Variants in TNS1 observed in about 807,000 individuals in gnomAD.
TNS1 encodes the protein tensin 1, also known as tensin-1.
Under a neutral mutation model 168.6 loss-of-function variants are expected in TNS1, and 62 were observed. The observed-to-expected ratio is 0.37, with a 90% CI of 0.30 to 0.45. The LOEUF (loss-of-function observed/expected upper bound fraction) is 0.45. Among genes scored for constraint, TNS1 ranks in the 20% least tolerant of loss-of-function variants. The pLI is 1.00. For synonymous variants in TNS1, 934 were observed against 933.2 expected, an observed-to-expected ratio of 1.00 and a Z score of -0.02; for missense variants, 2,240 against 2,339.4, an observed-to-expected ratio of 0.96 and a Z score of 0.88.
At chr2:217,994,135 G>C (rs935821157) in intron 1 of TNS1, among the ~76,000 whole-genome samples, 1 of 152,110 alleles carries the variant, frequency 6.6e-6, no homozygotes, top group Non-Finnish European at 1.5e-5. Context: ...AGGAGCTTTG[G>C]CTGGGGCTGG....
chr2:217,989,241 G>T (rs936938539), intron 2 of TNS1, among the ~76,000 whole-genome samples: 1 of 152,226 alleles, frequency 6.6e-6, no homozygotes, highest in Non-Finnish European at 1.5e-5. Context: ...CTTGGGGATT[G>T]TGAGGGACCC....
rs1937949079 is a variant in TNS1 at position 217,804,211 on chromosome 2, C to T, written c.*248G>A. On this transcript the variant is annotated 3_prime_UTR_variant, in exon 33 of 33. Coordinates refer to ENST00000682258, the MANE Select transcript of TNS1 (RefSeq NM_001387777.1). Reference sequence around the variant, plus strand: ...TAGTTTTGGAGGCTTTGGGTTTTTGCAGTTTCCATCTACCCAGGGGAATCC... The same window carrying T: ...TAGTTTTGGAGGCTTTGGGTTTTTGTAGTTTCCATCTACCCAGGGGAATCC... 2 of 461,028 alleles carry T rather than the reference C, an allele frequency of 4.3e-6. No individual in the cohort carries two copies. Among genetic ancestry groups the T allele is most frequent in the Non-Finnish European group, 7.7e-6 (2 of 260,786 alleles). 28.6% of individuals were successfully genotyped at this position (461,028 alleles called of 1,614,324 possible). A position where few individuals can be genotyped will look rare whatever the true frequency, so the allele number is the denominator to read the frequency against.
At position 217,965,309 on chromosome 2, in the gene TNS1, G is replaced by A. The variant is rs576084426; in HGVS notation, c.186+13456C>T. Among the ~76,000 whole-genome samples, 22 of 152,260 alleles carry A rather than the reference G, an allele frequency of 1.4e-4. No homozygotes were observed. The Middle Eastern group carries it at 0.017, about 118-fold the overall frequency. On this transcript the variant is annotated intron_variant, in intron 3 of 32. Transcript: ENST00000682258. ...CTAATCCTCCCACCAACCTTGCAAG[G>A]TCAGCATGATATCAGCAAGATATCA...
chr2:217,822,843 C>G (rs189310239), intron 22 of TNS1, among the ~76,000 whole-genome samples: 1 of 152,334 alleles, frequency 6.6e-6, no homozygotes, highest in East Asian at 1.9e-4. Context: ...CCCAAACGAA[C>G]TCCGCTTGAA....
At chr2:218,030,242 G>A (rs1000197643) in intron 1 of TNS1, among the ~76,000 whole-genome samples, 4 of 152,174 alleles carry the variant, frequency 2.6e-5, no homozygotes, top group Non-Finnish European at 5.9e-5. Flanking sequence ...TCTTCTCCAT[G>A]CTGGGACCTT....
chr2:217,961,718 C>T (rs1039350818), intron 3 of TNS1, among the ~76,000 whole-genome samples: 2 of 152,182 alleles, frequency 1.3e-5, no homozygotes, highest in Non-Finnish European at 2.9e-5. Context: ...TTCACCCAAC[C>T]CATGTTGACA....
chr2:217,909,853 C>A (rs540358276), intron 4 of TNS1, among the ~76,000 whole-genome samples: 2 of 152,324 alleles, frequency 1.3e-5, no homozygotes, highest in East Asian at 3.9e-4. Flanking sequence ...AACTATGCAA[C>A]CTTAAGCAGG....
intron 19 of TNS1, among the ~76,000 whole-genome samples, chr2:217,838,594 G>A (rs1452213458): frequency 6.6e-6 from 1 of 152,216 alleles, no homozygotes; most frequent in South Asian, 2.1e-4. Context: ...CTCCCACGGG[G>A]CCAGCCCCTC....
At chr2:217,980,504 CACAGAGAGAGAGAGAGAGAGAGAG>C (rs1360674809) in intron 2 of TNS1, among the ~76,000 whole-genome samples, 1,761 of 131,340 alleles carry the variant, frequency 0.013, 42 homozygotes, top group African/African-American at 0.046. Flanking sequence ...CCTACACACA[CACAGAGAGAGAGAGAGAGAGAGAG>C]AGAGAGAGAG....
At position 217,859,682 on chromosome 2, in the gene TNS1, G is replaced by A. The variant is rs1319327504; in HGVS notation, c.1430-10595C>T. On this transcript the variant is annotated intron_variant, in intron 18 of 32. Transcript: ENST00000682258. ...AGATGCTTCCAATTGACTGGCTATT[G>A]GTATTCTGTTTGTTCCCATCTGTGG... 2.6e-6 allele frequency: 4 copies of A among 1,535,994 alleles called. No individual in the cohort carries two copies. In the African/African-American group the frequency reaches 5.5e-5, roughly 21 times the overall value.
chr2:218,002,887 G>C lies in TNS1; in HGVS notation c.-15C>G. ...ATCCACGTCATCTTTGCTGGGTCCC[G>C]TCACTGAGGCACGCCCAGGGCCTGT... On this transcript the variant is annotated 5_prime_UTR_variant, in exon 1 of 33. Coordinates refer to ENST00000682258, the MANE Select transcript of TNS1 (RefSeq NM_001387777.1). The C allele has an allele frequency of 2.2e-6, 1 of 456,812 alleles. No homozygotes were observed. The highest frequency in any genetic ancestry group is 4.4e-6 in the Non-Finnish European group (1 of 226,966). The allele number at this position is 456,812 out of a possible 1,614,324, so 28.3% of individuals were successfully genotyped here.
At position 217,848,603 on chromosome 2, in the gene TNS1, C is replaced by T. The variant is rs758873247; in HGVS notation, c.1914G>A (p.Ala638=). Residue 638 remains alanine (A), a synonymous_variant, in exon 19 of 33, where the codon GCG becomes GCA. Coordinates refer to ENST00000682258, the MANE Select transcript of TNS1 (RefSeq NM_001387777.1). The part of the protein sequence containing the change: ...DELPNQDGHS[A]GSMGTLSSLD... Reference sequence around the variant, plus strand: ...GAGAAGAGAGTGTGCCCATGCTGCCCGCACTGTGACCATCCTGGTTTGGCA... The same window carrying T: ...GAGAAGAGAGTGTGCCCATGCTGCCTGCACTGTGACCATCCTGGTTTGGCA... The T allele has an allele frequency of 2.0e-5, 33 of 1,614,180 alleles. No homozygotes were observed. In the East Asian group the frequency reaches 4.0e-4, roughly 20 times the overall value.
intron 8 of TNS1, 45 bp downstream of exon 8, chr2:217,897,753 A>G: frequency 1.3e-6 from 2 of 1,516,656 alleles, no homozygotes; most frequent in East Asian, 4.9e-5. Flanking sequence ...GAGCAGATGG[A>G]AGCATAGAGG....
At chr2:217,935,593 G>A (rs1224558196) in intron 3 of TNS1, among the ~76,000 whole-genome samples, 2 of 152,158 alleles carry the variant, frequency 1.3e-5, no homozygotes, top group East Asian at 1.9e-4. Context: ...GTGAGCCACC[G>A]AATTCCTTCT....
intron 3 of TNS1, among the ~76,000 whole-genome samples, chr2:217,925,456 C>G (rs978048211): frequency 6.6e-6 from 1 of 152,110 alleles, no homozygotes; most frequent in Admixed American, 6.5e-5. Flanking sequence ...CCTAAGCTTG[C>G]CCAGCCCTCC....
chr2:217,846,079 G>A (rs1380207058), intron 19 of TNS1, among the ~76,000 whole-genome samples: 2 of 152,176 alleles, frequency 1.3e-5, no homozygotes, highest in African/African-American at 4.8e-5. Flanking sequence ...CCAGATGTGG[G>A]AGAAGGCAGA....
chr2:217,809,392 G>GATAGGTGC (rs1940150282), intron 30 of TNS1, among the ~76,000 whole-genome samples: 12 of 127,954 alleles, frequency 9.4e-5, no homozygotes, highest in East Asian at 5.0e-4. Flanking sequence ...TGGATGGATG[G>GATAGGTGC]ATGGATGGAT....
At chr2:217,856,786 G>A (rs982275663) in intron 18 of TNS1, among the ~76,000 whole-genome samples, 17 of 152,212 alleles carry the variant, frequency 1.1e-4, no homozygotes, top group African/African-American at 3.9e-4. Flanking sequence ...ACCAGTCCAT[G>A]AGTGACAAAT....
intron 1 of TNS1, among the ~76,000 whole-genome samples, chr2:218,018,463 C>T (rs7580997): frequency 0.73 from 110,676 of 152,226 alleles, 40,828 homozygotes; most frequent in East Asian, 0.88. Context: ...TGGAACTCAC[C>T]GTATGAATTC....
Sources: gnomAD v4.1 joint callset for allele counts (sites outside exome capture counted in the v4.1 genomes callset) on GRCh38, gnomAD v4.1.1 for gene constraint, MANE v1.5 for transcripts, NCBI Gene and HGNC (gene_info 2026-07-23, HGNC 2026-07-21) for gene names.